CD96: variants seen among roughly 807,000 people sequenced by gnomAD.
The protein encoded by CD96 is CD96 molecule.
A neutral mutation model predicts 71.3 loss-of-function variants in CD96; 70 were observed. The ratio of observed to expected loss-of-function variants is 0.98; its 90% CI spans 0.81 to 1.20. CD96 has a LOEUF of 1.20. Among genes scored for constraint, CD96 ranks in the 50% most tolerant of loss-of-function variants. The pLI is 0.00. For synonymous variants in CD96, 248 were observed against 233.0 expected, an observed-to-expected ratio of 1.06 and a Z score of -0.59; for missense variants, 742 against 677.5, an observed-to-expected ratio of 1.10 and a Z score of -1.06.
At chr3:111,582,843 G>A (rs1033535879) in intron 4 of CD96, among the ~76,000 whole-genome samples, 2 of 152,180 alleles carry the variant, frequency 1.3e-5, no homozygotes, top group Non-Finnish European at 2.9e-5. Context: ...CCTTCTGGGA[G>A]ACACAATTCA....
chr3:111,593,882 C>A (rs760274654), intron 5 of CD96: 1 of 1,613,736 alleles, frequency 6.2e-7, no homozygotes. Flanking sequence ...CAGCTCCTCT[C>A]TGTGCATGCT....
In CD96 at chr3:111,626,206, C is replaced by A. The variant is rs147639689; in HGVS notation, c.1321+1802C>A. On this transcript the variant is annotated intron_variant, in intron 10 of 13. Coordinates refer to ENST00000352690, the MANE Select transcript of CD96 (RefSeq NM_005816.5). The stretch of plus-strand genomic sequence containing the variant: ...GTCCCAGCTACTCGGGAGGCTGAGG[C>A]AGGAGAATGGTGTGAACCCGGGAGG... Among the ~76,000 whole-genome samples the A allele has an allele frequency of 7.9e-3, 1,140 of 144,914 alleles. 16 individuals are homozygous for A. The highest frequency in any genetic ancestry group is 0.028 in the African/African-American group (1,082 of 39,218).
chr3:111,578,867 A>T (rs1054375520), intron 3 of CD96, among the ~76,000 whole-genome samples, 160 bp from the exon 4 acceptor site: 1 of 152,244 alleles, frequency 6.6e-6, no homozygotes, highest in Admixed American at 6.5e-5. Flanking sequence ...AGTCAAGTGT[A>T]TCATACTTTC....
chr3:111,640,227 C>CA (rs528369367), intron 12 of CD96, among the ~76,000 whole-genome samples: 15 of 150,958 alleles, frequency 9.9e-5, no homozygotes, highest in Non-Finnish European at 1.3e-4. Context: ...CAAAGAAATC[C>CA]AAAAAAAATG....
At chr3:111,663,445 A>T (rs754440692) in intron 14 of CD96, among the ~76,000 whole-genome samples, 7 of 152,200 alleles carry the variant, frequency 4.6e-5, no homozygotes, top group Non-Finnish European at 1.0e-4. Flanking sequence ...TAAACTAAAA[A>T]GTTTCTGCAC....
chr3:111,604,665 C>T (rs1420536663), intron 7 of CD96, among the ~76,000 whole-genome samples: 1 of 152,180 alleles, frequency 6.6e-6, no homozygotes, highest in Non-Finnish European at 1.5e-5. Flanking sequence ...AAAGTATCCT[C>T]AAACTGAAAT....
At chr3:111,620,986 G>A (rs991604676) in intron 8 of CD96, among the ~76,000 whole-genome samples, 5 of 152,168 alleles carry the variant, frequency 3.3e-5, no homozygotes, top group African/African-American at 9.7e-5. Context: ...TAATATAAAT[G>A]AAATTCCCAA....
chr3:111,594,416 C>G (rs1937158004), intron 5 of CD96: 2 of 513,264 alleles, frequency 3.9e-6, no homozygotes, highest in Non-Finnish European at 3.5e-6. Flanking sequence ...GCAAAACAGC[C>G]CAAGAGTGCA....
chr3:111,625,561 G>A (rs573162385), intron 10 of CD96, among the ~76,000 whole-genome samples: 1 of 152,080 alleles, frequency 6.6e-6, no homozygotes, highest in African/African-American at 2.4e-5. Context: ...TAGAAATAGT[G>A]ATTATTGATA....
At position 111,647,617 on chromosome 3, in the gene CD96, A is replaced by T. The variant is rs1234740672; in HGVS notation, c.1552A>T (p.Ile518Leu). The change falls in exon 13 of 14, where the codon ATA becomes TTA. Residue 518 changes from isoleucine (I) to leucine (L), a missense_variant. Physicochemically the swap from Ile to Leu is conservative, Grantham distance 5. Coordinates refer to ENST00000352690, the MANE Select transcript of CD96 (RefSeq NM_005816.5). ...AGCAGCTTTACTCTTTTGCTGCATG[A>T]TATTGTTTGGTCTTGGAGTGAGAAA... ...IVAALLFCCM[I>L]LFGLGVRKWC... The T allele has an allele frequency of 6.2e-7, 1 of 1,611,840 alleles. No individual in the cohort carries two copies. Among genetic ancestry groups the T allele is most frequent in the South Asian group, 1.1e-5 (1 of 91,038 alleles).
chr3:111,656,841 A>C (rs1387357662), downstream of CD96, among the ~76,000 whole-genome samples: 1 of 152,180 alleles, frequency 6.6e-6, no homozygotes, highest in Non-Finnish European at 1.5e-5. Flanking sequence ...TTTTACAAAA[A>C]GGAACAGGAG....
At chr3:111,587,677 C>A (rs1050345315) in intron 5 of CD96, among the ~76,000 whole-genome samples, 1 of 152,196 alleles carries the variant, frequency 6.6e-6, no homozygotes, top group Non-Finnish European at 1.5e-5. Context: ...AAACTTTTGC[C>A]TGGGCATCCA....
chr3:111,618,183 T>C (rs1384793949), intron 8 of CD96, among the ~76,000 whole-genome samples: 1 of 152,154 alleles, frequency 6.6e-6, no homozygotes, highest in Admixed American at 6.5e-5. Context: ...AGGTGTGGGA[T>C]CCAGGCTGGT....
In CD96 at chr3:111,594,319, A is replaced by G. The variant is rs1424302696; in HGVS notation, c.808-3801A>G. The G allele has an allele frequency of 3.9e-6, 5 of 1,292,168 alleles. No individual in the cohort carries two copies. The South Asian group carries it at 4.7e-5, about 12-fold the overall frequency. 80.0% of individuals were successfully genotyped at this position (1,292,168 alleles called of 1,614,324 possible). A position where few individuals can be genotyped will look rare whatever the true frequency, so the allele number is the denominator to read the frequency against. The stretch of plus-strand genomic sequence containing the variant: ...CTGTGGTAACTCTTGGGGATTCACA[A>G]TAATGGCCAAAGTCTGGCCACACCT... On this transcript the variant is annotated intron_variant, in intron 5 of 13. Coordinates refer to ENST00000352690, the MANE Select transcript of CD96 (RefSeq NM_005816.5).
chr3:111,582,739 T>A (rs890887026), intron 4 of CD96, among the ~76,000 whole-genome samples: 2 of 152,152 alleles, frequency 1.3e-5, no homozygotes, highest in African/African-American at 4.8e-5. Flanking sequence ...ATCAAAAGCA[T>A]AAATGCCTGA....
chr3:111,572,283 C>T (rs1045659785), intron 3 of CD96, among the ~76,000 whole-genome samples: 1 of 152,220 alleles, frequency 6.6e-6, no homozygotes, highest in African/African-American at 2.4e-5. Context: ...CTTTGAGTAG[C>T]CCGCTGTGAT....
At chr3:111,637,624 C>T (rs1378644315) in intron 11 of CD96, among the ~76,000 whole-genome samples, 1 of 152,088 alleles carries the variant, frequency 6.6e-6, no homozygotes, top group Non-Finnish European at 1.5e-5. Context: ...TCAAACACAT[C>T]GGTGTGGAGA....
At chr3:111,628,481 CAG>C (rs969926872) in intron 10 of CD96, among the ~76,000 whole-genome samples, 4 of 152,110 alleles carry the variant, frequency 2.6e-5, no homozygotes, top group Non-Finnish European at 5.9e-5. Flanking sequence ...AAACAGAAAA[CAG>C]AGTGAAAAAA....
intron 12 of CD96, among the ~76,000 whole-genome samples, chr3:111,646,985 T>C (rs529347914): frequency 6.6e-6 from 1 of 151,568 alleles, no homozygotes; most frequent in South Asian, 2.1e-4. Context: ...ATCTACAGCA[T>C]GTTCTCACTA....
Sources: allele counts gnomAD v4.1 joint callset (sites outside exome capture counted in the v4.1 genomes callset), GRCh38; gene constraint gnomAD v4.1.1; transcripts MANE v1.5; gene names NCBI Gene and HGNC (gene_info 2026-07-23, HGNC 2026-07-21).